SFRP4: variants seen among roughly 807,000 people sequenced by gnomAD.
The protein encoded by SFRP4 is secreted frizzled-related protein 4.
A neutral mutation model predicts 36.3 loss-of-function variants in SFRP4; 25 were observed. That is an observed-to-expected ratio of 0.69 (90% CI 0.50 to 0.96). SFRP4 has a LOEUF of 0.96. Among genes scored for constraint, SFRP4 ranks in the 40% least tolerant of loss-of-function variants. SFRP4 has a pLI of 0.00. For missense variants in SFRP4, 487 were observed against 459.6 expected, an observed-to-expected ratio of 1.06 and a Z score of -0.54; for synonymous variants, 182 against 168.8, an observed-to-expected ratio of 1.08 and a Z score of -0.60.
Position 37,907,573 on chromosome 7 carries a change from G to A in SFRP4, c.947C>T (p.Pro316Leu). 1 of 1,613,730 alleles carries A rather than the reference G, an allele frequency of 6.2e-7. No homozygotes were observed. Among genetic ancestry groups the A allele is most frequent in the Non-Finnish European group, 8.5e-7 (1 of 1,179,830 alleles). ...TTTGGGAGCAGGAGGCTTTCCCTTT[G>A]GTTTGGGGGGATTACTACGACTGGT... ...GRTSRSNPPK[P>L]KGKPPAPKPA... The change falls in exon 6 of 6, where the codon CCA (proline) becomes CTA (leucine). Residue 316 changes from proline (P) to leucine (L), a missense_variant. Pro to Leu is a moderately conservative substitution (Grantham distance 98). Coordinates refer to ENST00000436072, the MANE Select transcript of SFRP4 (RefSeq NM_003014.4).
At position 37,912,133 on chromosome 7, in the gene SFRP4, G is replaced by A. The variant is rs61761894; in HGVS notation, c.777C>T (p.Tyr259=). Residue 259 remains tyrosine (Y), a synonymous_variant, in exon 4 of 6, where the codon TAC becomes TAT. Transcript: ENST00000436072. The part of the protein sequence containing the change: ...LPHQDVLIMC[Y]EWRSRMMLLE... The stretch of plus-strand genomic sequence containing the variant: ...TTTGTGCCTACCTTGAGCGCCACTC[G>A]TAACACATGATGAGAACATCTTGAT... The A allele has an allele frequency of 0.026, 41,709 of 1,613,832 alleles. 1,213 individuals carry two copies. The highest frequency in any genetic ancestry group is 0.17 in the East Asian group (7,529 of 44,870).
intron 4 of SFRP4, among the ~76,000 whole-genome samples, chr7:37,911,511 G>A (rs1168152610): frequency 6.6e-6 from 1 of 152,068 alleles, no homozygotes; most frequent in African/African-American, 2.4e-5. Context: ...AAGAAAGAGA[G>A]GCCAGGGAGA....
rs373559506 is a variant in SFRP4, at chr7:37,916,799, C to G, written c.-262G>C. 2 of 555,620 alleles carry G rather than the reference C, an allele frequency of 3.6e-6. No homozygotes were observed. Among genetic ancestry groups the G allele is most frequent in the East Asian group, 6.1e-5 (2 of 33,046 alleles). 34.4% of individuals were successfully genotyped at this position (555,620 alleles called of 1,614,324 possible). ...CCCGGGCAGCTCCAGTCCCGGACTC[C>G]GCAGCTCGGAGCGCAGCCAGCCACG... On this transcript the variant is annotated 5_prime_UTR_variant, in exon 1 of 6. Coordinates refer to ENST00000436072, the MANE Select transcript of SFRP4 (RefSeq NM_003014.4). This position sits in a 1 kb window ranked among gnomAD's most constrained non-coding sequence, Gnocchi z 4.1.
chr7:37,915,068 C>T (rs2131989924), intron 1 of SFRP4, among the ~76,000 whole-genome samples: 1 of 152,290 alleles, frequency 6.6e-6, no homozygotes, highest in African/African-American at 2.4e-5. Context: ...ACATCACTCT[C>T]TCCCAAAGTC....
chr7:37,912,378 G>T, intron 3 of SFRP4, 61 bp from the exon 4 acceptor site: 1 of 1,318,392 alleles, frequency 7.6e-7, no homozygotes, highest in Non-Finnish European at 1.1e-6. Context: ...TAGGGATGGT[G>T]TATTCATGCC....
At chr7:37,909,042 AT>A (rs1382215760) in intron 5 of SFRP4, among the ~76,000 whole-genome samples, 2 of 152,180 alleles carry the variant, frequency 1.3e-5, no homozygotes, top group Non-Finnish European at 2.9e-5. Context: ...GTGTCTTTAG[AT>A]TGGTATAATT....
chr7:37,914,736 A>G (rs1400226160), intron 1 of SFRP4, among the ~76,000 whole-genome samples: 1 of 152,112 alleles, frequency 6.6e-6, no homozygotes, highest in Non-Finnish European at 1.5e-5. Flanking sequence ...ATGGTGGTGG[A>G]TGCCTGTAAT....
rs565594944 is a variant in SFRP4, at chr7:37,910,144, G to T, written c.792-464C>A. On this transcript the variant is annotated intron_variant, in intron 4 of 5. Coordinates refer to ENST00000436072, the MANE Select transcript of SFRP4 (RefSeq NM_003014.4). ...TTTAAAATAGAATAACTGAGTTAAA[G>T]GGTATGTATTTTTTAAAAAGATTTT... Among the ~76,000 whole-genome samples, 3 of 151,990 alleles carry T rather than the reference G, an allele frequency of 2.0e-5. No individual in the cohort carries two copies. The East Asian group carries it at 5.8e-4, about 29-fold the overall frequency.
intron 5 of SFRP4, among the ~76,000 whole-genome samples, chr7:37,908,495 T>A (rs371988027): frequency 6.6e-6 from 1 of 152,208 alleles, no homozygotes; most frequent in East Asian, 1.9e-4. Context: ...TCTAGTCTAT[T>A]CTAAAATAAT....
chr7:37,914,775 G>C (rs138585898), intron 1 of SFRP4, among the ~76,000 whole-genome samples: 3 of 152,314 alleles, frequency 2.0e-5, no homozygotes, highest in African/African-American at 4.8e-5. Flanking sequence ...TGAGGCAGGA[G>C]AATCGCTTGA....
intron 4 of SFRP4, among the ~76,000 whole-genome samples, chr7:37,911,219 A>T (rs933479039): frequency 4.6e-5 from 7 of 152,234 alleles, no homozygotes; most frequent in African/African-American, 2.4e-5. Flanking sequence ...GGTGATATCC[A>T]TGTTGTAAGG....
Position 37,907,491 on chromosome 7 carries a change from C to A in SFRP4, c.1029G>T (p.Pro343=). The A allele has an allele frequency of 6.2e-7, 1 of 1,612,708 alleles. No homozygotes were observed. The highest frequency in any genetic ancestry group is 8.5e-7 in the Non-Finnish European group (1 of 1,179,488). ...GAAACTAGTTAGCTCACACTCTTTT[C>A]GGGTTTGTTCTCTTCTGGGCACTCC... ...KTRSAQKRTN[P]KRV The change falls in exon 6 of 6, where the codon CCG becomes CCT. Residue 343 remains proline (P), a synonymous_variant. Coordinates refer to ENST00000436072, the MANE Select transcript of SFRP4 (RefSeq NM_003014.4).
rs1392848476 is a variant in SFRP4, at chr7:37,912,143, A to G, written c.767T>C (p.Ile256Thr). 5 of 1,614,142 alleles carry G rather than the reference A, an allele frequency of 3.1e-6. No individual in the cohort carries two copies. The highest frequency in any genetic ancestry group is 4.2e-6 in the Non-Finnish European group (5 of 1,180,000). ...CCTTGAGCGCCACTCGTAACACATG[A>G]TGAGAACATCTTGATGGGGCAGGAT... ...PHILPHQDVL[I>T]MCYEWRSRMM... The change falls in exon 4 of 6, where the codon ATC becomes ACC. Residue 256 changes from isoleucine (I) to threonine (T), a missense_variant. Physicochemically the swap from Ile to Thr is moderately conservative, Grantham distance 89. Transcript: ENST00000436072.
chr7:37,910,439 C>A (rs556172933), intron 4 of SFRP4, among the ~76,000 whole-genome samples: 1 of 151,628 alleles, frequency 6.6e-6, no homozygotes, highest in Admixed American at 6.6e-5. Context: ...TTTTTCATAT[C>A]TTTTCAAGTA....
In SFRP4 at chr7:37,916,784, T is replaced by C; in HGVS notation, c.-247A>G. ...CGGGGCGCGAACCCGCCCGGGCAGC[T>C]CCAGTCCCGGACTCCGCAGCTCGGA... On this transcript the variant is annotated 5_prime_UTR_variant, in exon 1 of 6. Transcript: ENST00000436072. This position sits in a 1 kb window ranked among gnomAD's most constrained non-coding sequence, Gnocchi z 4.1. 1.7e-6 allele frequency: 1 copy of C among 597,374 alleles called. No individual in the cohort carries two copies. Among genetic ancestry groups the C allele is most frequent in the Non-Finnish European group, 2.9e-6 (1 of 340,122 alleles). The allele number at this position is 597,374 out of a possible 1,614,324, so 37.0% of individuals were successfully genotyped here. A position where few individuals can be genotyped will look rare whatever the true frequency, so the allele number is the denominator to read the frequency against.
chr7:37,907,635 C>G lies in SFRP4; in HGVS notation c.885G>C (p.Arg295=), dbSNP rs1004146678. 1.2e-6 allele frequency: 2 copies of G among 1,611,974 alleles called. No homozygotes were observed. The highest frequency in any genetic ancestry group is 2.7e-5 in the African/African-American group (2 of 74,758). The change falls in exon 6 of 6, where the codon CGG becomes CGC. Residue 295 remains arginine (R), a synonymous_variant. Transcript: ENST00000436072. ...IQWEERLQEQ[R]RTVQDKKKTA... is the part of the protein sequence containing the mutation. ...TTTTCTTCTTGTCCTGAACTGTTCTCCGCTGTTCCTGCAGCCTCTCTTCCC... is the reference window on the plus strand; with the variant it reads ...TTTTCTTCTTGTCCTGAACTGTTCTGCGCTGTTCCTGCAGCCTCTCTTCCC...
intron 1 of SFRP4, 61 bp from the exon 2 acceptor site, chr7:37,914,514 T>G: frequency 2.7e-6 from 3 of 1,128,388 alleles, no homozygotes; most frequent in Non-Finnish European, 4.1e-6. Context: ...ACCCAGCTGG[T>G]ATAAAGAGCC....
intron 5 of SFRP4, 63 bp downstream of exon 5, chr7:37,909,554 A>C: frequency 1.1e-6 from 1 of 926,310 alleles, no homozygotes; most frequent in Non-Finnish European, 1.6e-6. Context: ...GAATTCCCCA[A>C]CTCTAAAGAA....
At chr7:37,913,527 T>G (rs914104779) in intron 3 of SFRP4, among the ~76,000 whole-genome samples, 1 of 152,214 alleles carries the variant, frequency 6.6e-6, no homozygotes, top group African/African-American at 2.4e-5. Context: ...CTTTTTGAAT[T>G]GAAAAAGAAC....
Sources: allele counts gnomAD v4.1 joint callset (sites outside exome capture counted in the v4.1 genomes callset), GRCh38; gene constraint gnomAD v4.1.1; non-coding constraint Gnocchi (gnomAD v3.1); transcripts MANE v1.5; gene names NCBI Gene and HGNC (gene_info 2026-07-23, HGNC 2026-07-21).